Variants in LMAN1 observed in about 807,000 individuals in gnomAD.
LMAN1 encodes the protein protein ERGIC-53.
In LMAN1, 32 loss-of-function variants were observed where a neutral mutation model predicts 67.8. The ratio of observed to expected loss-of-function variants is 0.47; its 90% CI spans 0.36 to 0.63. LMAN1 has a LOEUF of 0.63. LMAN1 is among the 30% of genes least tolerant of loss of function. The pLI, the probability that LMAN1 is intolerant of heterozygous loss-of-function variation, is 0.00. For synonymous variants in LMAN1, 235 were observed against 219.3 expected (o/e 1.07, Z -0.63); for missense variants, 632 against 628.2 (o/e 1.01, Z -0.06).
rs2070730166 is a variant in LMAN1 at position 59,328,857 on chromosome 18, A to G, written c.*2236T>C. The G allele has an allele frequency of 6.6e-6, 1 of 152,240 alleles. No individual in the cohort carries two copies. Among genetic ancestry groups the G allele is most frequent in the Admixed American group, 6.5e-5 (1 of 15,286 alleles). The allele number at this position is 152,240 out of a possible 1,614,324, so 9.4% of individuals were successfully genotyped here. On this transcript the variant is annotated 3_prime_UTR_variant, in exon 13 of 13. Coordinates refer to ENST00000251047, the MANE Select transcript of LMAN1 (RefSeq NM_005570.4). ...ATTAGAACACAAATAGGTACATTAA[A>G]TAAGGATATAAGCCATTACGCAATT...
At chr18:59,344,244 G>T (rs187944652) in intron 8 of LMAN1, among the ~76,000 whole-genome samples, 11 of 152,258 alleles carry the variant, frequency 7.2e-5, no homozygotes, top group Admixed American at 7.2e-4. Flanking sequence ...AATTCTCAAA[G>T]AACTAAAATT....
rs569079706 is a variant in LMAN1, at chr18:59,347,277, C to T, written c.822+236G>A. Among the ~76,000 whole-genome samples, 357 of 125,750 alleles carry T rather than the reference C, an allele frequency of 2.8e-3. 3 individuals are homozygous for T. Among genetic ancestry groups the T allele is most frequent in the South Asian group, 6.4e-3 (24 of 3,774 alleles). The allele number at this position is 125,750 out of a possible 152,430, so 82.5% of individuals were successfully genotyped here. ...CGGAGCTTGCAGAGAGCAGATATCG[C>T]GCCACTGCACTCCAGCCTGGGAGAC... is the stretch of plus-strand genomic sequence containing the variant. On this transcript the variant is annotated intron_variant, in intron 7 of 12. Transcript: ENST00000251047.
At position 59,355,582 on chromosome 18, in the gene LMAN1, T is replaced by C. The variant is rs766198761; in HGVS notation, c.291A>G (p.Thr97=). 6.2e-7 allele frequency: 1 copy of C among 1,614,158 alleles called. No individual in the cohort carries two copies. ...CTTCCCAGTTCTCAAAGGCCGCTTT[T>C]GTCTTTGTCCACACTGAGCCTCTTT... ...KSQRGSVWTK[T]KAAFENWEVE... The change falls in exon 2 of 13, where the codon ACA becomes ACG. Residue 97 remains threonine, a synonymous_variant. Coordinates refer to ENST00000251047, the MANE Select transcript of LMAN1 (RefSeq NM_005570.4).
intron 5 of LMAN1, chr18:59,352,845 CT>C (rs1908573794): frequency 3.1e-6 from 1 of 327,480 alleles, no homozygotes; most frequent in African/African-American, 2.2e-5. Context: ...TATAAGCTCT[CT>C]GGGGAGAAAG....
At chr18:59,346,670 A>G (rs1908415948) in intron 7 of LMAN1, among the ~76,000 whole-genome samples, 1 of 151,404 alleles carries the variant, frequency 6.6e-6, no homozygotes, top group Admixed American at 6.6e-5. Flanking sequence ...ATAGGTGTGC[A>G]CCACCACACC....
At chr18:59,332,232 G>T (rs544683579) in intron 11 of LMAN1, among the ~76,000 whole-genome samples, 2 of 151,998 alleles carry the variant, frequency 1.3e-5, no homozygotes, top group Non-Finnish European at 2.9e-5. Context: ...TTTGGTCATT[G>T]CAACAAAGAC....
Position 59,329,002 on chromosome 18 carries a change from A to G in LMAN1, c.*2091T>C, listed in dbSNP as rs1257743850. On this transcript the variant is annotated 3_prime_UTR_variant, in exon 13 of 13. Coordinates refer to ENST00000251047, the MANE Select transcript of LMAN1 (RefSeq NM_005570.4). ...TTGCTGGTGTGAGAGAAGTGAACAA[A>G]TTCAATTATACAAAATAGTACAGAA... 1.3e-5 allele frequency: 2 copies of G among 152,192 alleles called. No homozygotes were observed. Among genetic ancestry groups the G allele is most frequent in the East Asian group, 3.8e-4 (2 of 5,202 alleles). 9.4% of individuals were successfully genotyped at this position (152,192 alleles called of 1,614,324 possible).
intron 11 of LMAN1, among the ~76,000 whole-genome samples, chr18:59,331,818 T>A (rs1251011090): frequency 6.6e-6 from 1 of 152,120 alleles, no homozygotes; most frequent in Non-Finnish European, 1.5e-5. Context: ...GTCCCTGAGG[T>A]CACTGAGACT....
Position 59,346,009 on chromosome 18 carries a change from A to G in LMAN1, c.865T>C (p.Tyr289His). ...TGAAAGTGCTCAAATTCCTCCTGATACTTTTCTTTTTCCTTTTCCGAAATT... is the reference window on the plus strand; with the variant it reads ...TGAAAGTGCTCAAATTCCTCCTGATGCTTTTCTTTTTCCTTTTCCGAAATT... ...KEISEKEKEK[Y>H]QEEFEHFQQE... Residue 289 changes from tyrosine (Y) to histidine (H), a missense_variant, in exon 8 of 13, where the codon TAT becomes CAT. Transcript: ENST00000251047. 6.2e-7 allele frequency: 1 copy of G among 1,612,712 alleles called. No individual in the cohort carries two copies. The highest frequency in any genetic ancestry group is 8.5e-7 in the Non-Finnish European group (1 of 1,179,678).
intron 10 of LMAN1, among the ~76,000 whole-genome samples, chr18:59,333,933 T>C (rs769381848): frequency 6.6e-6 from 1 of 152,108 alleles, no homozygotes; most frequent in Non-Finnish European, 1.5e-5. Context: ...TAAAAAATTA[T>C]GTTTGAGTTA....
At chr18:59,353,126 T>A in intron 5 of LMAN1, 76 bp downstream of exon 5, 1 of 1,279,356 alleles carries the variant, frequency 7.8e-7, no homozygotes, top group South Asian at 1.2e-5. Flanking sequence ...TGCATTTAAT[T>A]TCTATCAAAA....
intron 1 of LMAN1, among the ~76,000 whole-genome samples, chr18:59,357,339 A>G (rs1908682199): frequency 6.6e-6 from 1 of 152,220 alleles, no homozygotes; most frequent in South Asian, 2.1e-4. Flanking sequence ...TAACATTCCT[A>G]ATTGGCTAAT....
At position 59,331,428 on chromosome 18, in the gene LMAN1, T is replaced by G; in HGVS notation, c.1486A>C (p.Ile496Leu). The change falls in exon 12 of 13, where the codon ATC becomes CTC. Residue 496 changes from isoleucine to leucine, a missense_variant. Physicochemically the swap from Ile to Leu is conservative, Grantham distance 5. Transcript: ENST00000251047. Reference sequence around the variant, plus strand: ...TATCAAGAGACTTACCTATACATGATATAACCAATGAATAATACAGTTTGC... The same window carrying G: ...TATCAAGAGACTTACCTATACATGAGATAACCAATGAATAATACAGTTTGC... ...VVQTVLFIGYIMYRSQQEAAA... is the reference protein window; with the variant it reads ...VVQTVLFIGYLMYRSQQEAAA... 6.2e-7 allele frequency: 1 copy of G among 1,607,682 alleles called. No homozygotes were observed.
chr18:59,348,925 C>T (rs1908479835), intron 6 of LMAN1, among the ~76,000 whole-genome samples, 188 bp downstream of exon 6: 1 of 152,326 alleles, frequency 6.6e-6, no homozygotes, highest in Admixed American at 6.5e-5. Context: ...TAACTGTACA[C>T]CTACCGAACA....
chr18:59,350,804 T>C (rs1908528179), intron 5 of LMAN1, among the ~76,000 whole-genome samples: 2 of 152,162 alleles, frequency 1.3e-5, no homozygotes, highest in African/African-American at 4.8e-5. Context: ...CCCAATTTTT[T>C]TTTAAAGGAC....
At chr18:59,339,151 T>G (rs1452266496) in intron 8 of LMAN1, among the ~76,000 whole-genome samples, 198 bp from the exon 9 acceptor site, 1 of 152,206 alleles carries the variant, frequency 6.6e-6, no homozygotes, top group Non-Finnish European at 1.5e-5. Context: ...TTCAGGTGAT[T>G]GAACACTTAT....
At position 59,349,173 on chromosome 18, in the gene LMAN1, T is replaced by A. The variant is rs1908486135; in HGVS notation, c.703A>T (p.Asn235Tyr). The A allele has an allele frequency of 6.2e-7, 1 of 1,613,936 alleles. No individual in the cohort carries two copies. The highest frequency in any genetic ancestry group is 8.5e-7 in the Non-Finnish European group (1 of 1,179,924). Residue 235 changes from asparagine to tyrosine, a missense_variant, in exon 6 of 13, where the codon AAT becomes TAT. Coordinates refer to ENST00000251047, the MANE Select transcript of LMAN1 (RefSeq NM_005570.4). ...TGCCCTTGTGCAGGGATAATCATAT[T>A]TTCCACTTTGGCACAAAATTCATAA... ...NDYEFCAKVE[N>Y]MIIPAQGHFG... is the part of the protein sequence containing the mutation.
chr18:59,347,316 GTC>G (rs1303527445), intron 7 of LMAN1, among the ~76,000 whole-genome samples, 195 bp downstream of exon 7: 1 of 96,276 alleles, frequency 1.0e-5, no homozygotes, highest in Non-Finnish European at 1.8e-5. Context: ...GCGAGACTCC[GTC>G]TCAAAAAAAA....
At chr18:59,346,199 G>A in intron 7 of LMAN1, 148 bp from the exon 8 acceptor site, 4 of 333,154 alleles carry the variant, frequency 1.2e-5, no homozygotes, top group Admixed American at 9.6e-5. Flanking sequence ...TTAAACGATA[G>A]CAAATTACTC....
Sources: allele counts gnomAD v4.1 joint callset (sites outside exome capture counted in the v4.1 genomes callset), GRCh38; gene constraint gnomAD v4.1.1; transcripts MANE v1.5; gene names NCBI Gene and HGNC (gene_info 2026-07-23, HGNC 2026-07-21).